NRG1: variants seen among roughly 807,000 people sequenced by gnomAD.
NRG1 encodes pro-neuregulin-1, membrane-bound isoform.
A neutral mutation model predicts 63.8 loss-of-function variants in NRG1; 18 were observed. The observed-to-expected ratio is 0.28, with a 90% confidence interval of 0.19 to 0.42. The LOEUF is 0.42. NRG1 is among the 10% of genes least tolerant of loss of function. The pLI is 1.00. For synonymous variants in NRG1, 302 were observed against 301.3 expected (o/e 1.00, Z -0.02); for missense variants, 762 against 814.7 (o/e 0.94, Z 0.79).
chr8:31,679,078 G>T (rs1808046089), intron 1 of NRG1, among the ~76,000 whole-genome samples: 2 of 151,744 alleles, frequency 1.3e-5, no homozygotes, highest in South Asian at 4.2e-4. Flanking sequence ...ATATTTCCTT[G>T]CGATACTTAC....
chr8:32,723,957 G>A (rs540361977), intron 5 of NRG1, among the ~76,000 whole-genome samples: 3 of 152,230 alleles, frequency 2.0e-5, no homozygotes, highest in Admixed American at 2.0e-4. Flanking sequence ...ATGATCATTT[G>A]TCCTGACCTT....
At chr8:32,229,363 G>A (rs1483564484) in intron 1 of NRG1, among the ~76,000 whole-genome samples, 2 of 152,160 alleles carry the variant, frequency 1.3e-5, no homozygotes, top group African/African-American at 2.4e-5. Context: ...GGTTTGTGAG[G>A]ATATTGTGAG....
chr8:32,251,034 T>C (rs1335259221), intron 1 of NRG1, among the ~76,000 whole-genome samples: 1 of 152,066 alleles, frequency 6.6e-6, no homozygotes, highest in Non-Finnish European at 1.5e-5. Context: ...ATTTACATTC[T>C]AGTATAAAAA....
intron 1 of NRG1, among the ~76,000 whole-genome samples, chr8:32,212,038 T>C (rs527873360): frequency 6.6e-6 from 1 of 152,314 alleles, no homozygotes; most frequent in South Asian, 2.1e-4. Flanking sequence ...AGTAAGCATT[T>C]TATCCTTTCT....
intron 1 of NRG1, among the ~76,000 whole-genome samples, chr8:31,741,735 A>C (rs1815297050): frequency 6.6e-6 from 1 of 152,028 alleles, no homozygotes; most frequent in South Asian, 2.1e-4. Context: ...TAGGATGAGA[A>C]GCAATACTGC....
At chr8:31,661,832 G>A (rs1806023882) in intron 1 of NRG1, among the ~76,000 whole-genome samples, 1 of 152,190 alleles carries the variant, frequency 6.6e-6, no homozygotes, top group African/African-American at 2.4e-5. Flanking sequence ...GAGTAAATGT[G>A]CTTTGAGCAC....
chr8:31,836,716 T>C (rs1457191876), intron 1 of NRG1, among the ~76,000 whole-genome samples: 11 of 152,092 alleles, frequency 7.2e-5, no homozygotes, highest in Non-Finnish European at 1.6e-4. Flanking sequence ...CTTTCCAAAG[T>C]TTTCTCTTAA....
intron 1 of NRG1, among the ~76,000 whole-genome samples, chr8:32,584,838 A>G (rs10954859): frequency 0.26 from 39,004 of 152,112 alleles, 5,122 homozygotes; most frequent in South Asian, 0.33. Context: ...GCACTGCTTA[A>G]AAGTTTTCAC....
chr8:32,673,054 T>A (rs1024404086), intron 5 of NRG1, among the ~76,000 whole-genome samples: 4 of 152,238 alleles, frequency 2.6e-5, no homozygotes, highest in Non-Finnish European at 1.5e-5. Context: ...TTGACCATAG[T>A]GTTTATGCCT....
chr8:32,132,388 A>C (rs1326226703), intron 1 of NRG1, among the ~76,000 whole-genome samples: 1 of 152,076 alleles, frequency 6.6e-6, no homozygotes, highest in Non-Finnish European at 1.5e-5. Context: ...ACTAATTTCC[A>C]AAAAGGTGTG....
At chr8:32,274,126 G>T (rs991033077) in intron 1 of NRG1, among the ~76,000 whole-genome samples, 2 of 152,132 alleles carry the variant, frequency 1.3e-5, no homozygotes, top group African/African-American at 2.4e-5. Context: ...GTGACTTTGG[G>T]TCATTTTGTA....
chr8:32,679,259 T>G (rs1242112482), intron 5 of NRG1, among the ~76,000 whole-genome samples: 1 of 152,192 alleles, frequency 6.6e-6, no homozygotes, highest in Non-Finnish European at 1.5e-5. Flanking sequence ...ACCATCATAT[T>G]TTTTGGAATT....
intron 5 of NRG1, among the ~76,000 whole-genome samples, chr8:32,640,094 T>A (rs1852049677): frequency 6.6e-6 from 1 of 152,130 alleles, no homozygotes; most frequent in African/African-American, 2.4e-5. Flanking sequence ...ACTGTAATAG[T>A]GAATATTAAT....
At chr8:32,684,866 G>T (rs958713081) in intron 5 of NRG1, among the ~76,000 whole-genome samples, 2 of 147,826 alleles carry the variant, frequency 1.4e-5, no homozygotes, top group Admixed American at 6.7e-5. Flanking sequence ...GAAAAAAAAC[G>T]CATACATATC....
chr8:32,573,907 G>GT (rs1022650750), intron 1 of NRG1, among the ~76,000 whole-genome samples: 71 of 152,090 alleles, frequency 4.7e-4, no homozygotes, highest in African/African-American at 1.5e-3. Flanking sequence ...GCAGTGTTTG[G>GT]TTTTTTGTCC....
At chr8:32,135,009 GC>G (rs772754405) in intron 1 of NRG1, among the ~76,000 whole-genome samples, 3 of 152,140 alleles carry the variant, frequency 2.0e-5, no homozygotes, top group African/African-American at 4.8e-5. Context: ...GAAAAGCCAT[GC>G]AAAAATCAAG....
At chr8:31,663,450 G>A (rs947401552) in intron 1 of NRG1, among the ~76,000 whole-genome samples, 2 of 152,094 alleles carry the variant, frequency 1.3e-5, no homozygotes, top group African/African-American at 4.8e-5. Flanking sequence ...GCCCAAGGAG[G>A]GGCCATTCTT....
At chr8:32,038,611 A>T (rs185119726) in intron 1 of NRG1, among the ~76,000 whole-genome samples, 1 of 152,212 alleles carries the variant, frequency 6.6e-6, no homozygotes, top group East Asian at 1.9e-4. Context: ...TAAATTTACC[A>T]TCAATTATTC....
chr8:32,383,787 G>C (rs1810650613), intron 1 of NRG1, among the ~76,000 whole-genome samples: 1 of 152,248 alleles, frequency 6.6e-6, no homozygotes. Context: ...GTGCAGACTA[G>C]AGGAAAGATT....
Sources: gnomAD v4.1 joint callset for allele counts (sites outside exome capture counted in the v4.1 genomes callset) on GRCh38, gnomAD v4.1.1 for gene constraint, MANE v1.5 for transcripts, NCBI Gene and HGNC (gene_info 2026-07-23, HGNC 2026-07-21) for gene names.